Variants in MAP3K15 observed in about 807,000 individuals in gnomAD.
MAP3K15 encodes MAPK/ERK kinase kinase 15.
MAP3K15 carries 124 observed loss-of-function variants against 99.5 expected under a neutral mutation model. The ratio of observed to expected loss-of-function variants is 1.25; its 90% CI spans 1.08 to 1.45. The LOEUF is 1.45. Among genes scored for constraint, MAP3K15 ranks in the 40% most tolerant of loss-of-function variants. The probability of loss-of-function intolerance (pLI) is 0.00; values close to 1 mark genes in which losing one functional copy is unlikely to be tolerated. For missense variants in MAP3K15, 1,242 were observed against 1,079.7 expected (o/e 1.15, Z -2.11); for synonymous variants, 494 against 439.6 (o/e 1.12, Z -1.55).
chrX:19,481,102 C>T (rs1236881439), intron 3 of MAP3K15, among the ~76,000 whole-genome samples: 1 of 66,605 alleles, frequency 1.5e-5, no homozygotes, highest in African/African-American at 7.8e-5. Flanking sequence ...GGTGACAGAG[C>T]GAGAACTTGT....
chrX:19,398,148 T>A, intron 15 of MAP3K15, 78 bp downstream of exon 15: 5 of 1,103,480 alleles, frequency 4.5e-6, no homozygotes, highest in Non-Finnish European at 4.9e-6. Flanking sequence ...CCTTAACTCC[T>A]CCACACCATG....
chrX:19,452,773 T>C (rs1268956948), intron 6 of MAP3K15, among the ~76,000 whole-genome samples: 1 of 112,391 alleles, frequency 8.9e-6, no homozygotes, highest in Non-Finnish European at 1.9e-5. Context: ...GCGGCCCATA[T>C]GGTCCATGAT....
At chrX:19,423,799 A>G (rs748137123) in intron 9 of MAP3K15, among the ~76,000 whole-genome samples, 5 of 111,648 alleles carry the variant, frequency 4.5e-5, no homozygotes, top group African/African-American at 1.6e-4. Flanking sequence ...TGCTAACGAT[A>G]TGATTCATCT....
chrX:19,499,000 CCA>C (rs763839448), intron 1 of MAP3K15, among the ~76,000 whole-genome samples: 4 of 111,828 alleles, frequency 3.6e-5, no homozygotes, highest in Non-Finnish European at 5.6e-5. Flanking sequence ...GAGAAGCTAG[CCA>C]CAGTCTGGGA....
intron 3 of MAP3K15, among the ~76,000 whole-genome samples, chrX:19,479,040 T>C (rs1290729757): frequency 9.0e-6 from 1 of 111,671 alleles, no homozygotes; most frequent in Admixed American, 9.5e-5. Context: ...ATTATAGCAG[T>C]ACCTCTAAGC....
intron 9 of MAP3K15, among the ~76,000 whole-genome samples, chrX:19,419,410 T>G (rs1177292010): frequency 4.6e-5 from 5 of 108,821 alleles, no homozygotes; most frequent in Non-Finnish European, 7.7e-5. Flanking sequence ...TAAAACAGAC[T>G]TTAAACCAAC....
At chrX:19,475,523 G>A (rs774878469) in intron 3 of MAP3K15, among the ~76,000 whole-genome samples, 18 of 111,050 alleles carry the variant, frequency 1.6e-4, no homozygotes, top group African/African-American at 5.2e-4. Context: ...ACCCCCAATC[G>A]TGACTCTTAG....
intron 1 of MAP3K15, among the ~76,000 whole-genome samples, chrX:19,508,315 G>T (rs2064493624): frequency 1.8e-5 from 2 of 110,692 alleles, no homozygotes; most frequent in Admixed American, 1.9e-4. Flanking sequence ...GAGACTACAG[G>T]TACACGCCAC....
intron 14 of MAP3K15, 53 bp downstream of exon 14, chrX:19,400,523 A>G: frequency 4.4e-6 from 4 of 900,797 alleles, no homozygotes; most frequent in Non-Finnish European, 6.3e-6. Context: ...ATTTTCTTGA[A>G]GCATCGAACA....
intron 8 of MAP3K15, among the ~76,000 whole-genome samples, chrX:19,425,980 G>A (rs1304729155): frequency 9.0e-6 from 1 of 110,726 alleles, no homozygotes; most frequent in African/African-American, 3.3e-5. Context: ...AAATTAGCTG[G>A]GCGTGGTGGT....
chrX:19,401,182 C>T (rs2063605571), intron 13 of MAP3K15, among the ~76,000 whole-genome samples: 1 of 110,346 alleles, frequency 9.1e-6, no homozygotes, highest in Non-Finnish European at 1.9e-5. Flanking sequence ...CAGATGACGT[C>T]CCTGTGTTAC....
chrX:19,369,361 C>CA, intron 24 of MAP3K15, 142 bp from the exon 25 acceptor site: 1 of 611,242 alleles, frequency 1.6e-6, no homozygotes, highest in Admixed American at 3.0e-5. Flanking sequence ...GCTGACTTTA[C>CA]AAATGGAGAA....
intron 3 of MAP3K15, among the ~76,000 whole-genome samples, chrX:19,467,495 G>A (rs1195509649): frequency 9.0e-6 from 1 of 111,138 alleles, no homozygotes; most frequent in African/African-American, 3.3e-5. Flanking sequence ...GAGACTGGGC[G>A]CAGTGGCTCA....
chrX:19,403,459 T>C (rs1476482033), intron 13 of MAP3K15, among the ~76,000 whole-genome samples: 2 of 100,642 alleles, frequency 2.0e-5, no homozygotes, highest in African/African-American at 8.4e-5. Flanking sequence ...TTTATTCTAT[T>C]CTTTTTTTTT....
chrX:19,371,472 C>G lies in MAP3K15; in HGVS notation c.3167G>C (p.Arg1056Thr), dbSNP rs1227996052. 1 of 1,208,672 alleles carries G rather than the reference C, an allele frequency of 8.3e-7. No homozygotes were observed. Among genetic ancestry groups the G allele is most frequent in the Non-Finnish European group, 1.1e-6 (1 of 894,230 alleles). ...GTGCTCTGGGGAGCGGATGAAGTCC[C>G]TCAGGATCCCAATGATTTGCTTGAT... ...GHIKQIIGIL[R>T]DFIRSPEHRV... is the part of the protein sequence containing the mutation. The change falls in exon 23 of 29, where the codon AGG becomes ACG. Residue 1056 changes from arginine (R) to threonine (T), a missense_variant. By Grantham distance (71) the Arg-to-Thr change is moderately conservative (BLOSUM62 -1). Coordinates refer to ENST00000338883, the MANE Select transcript of MAP3K15 (RefSeq NM_001001671.4).
Position 19,490,212 on chromosome X carries a change from A to G in MAP3K15, c.362-1245T>C, listed in dbSNP as rs186389426. On this transcript the variant is annotated intron_variant, in intron 1 of 28. Transcript: ENST00000338883. ...ACATACAAAAATTCCTTAACAGTAT[A>G]TTGCTCAGTTTTGCATGTCTTTGAA... 7.1e-4 allele frequency among the ~76,000 whole-genome samples: 78 copies of G among 109,215 alleles called. 1 individual carries two copies. The highest frequency in any genetic ancestry group is 8.7e-4 in the Non-Finnish European group (46 of 52,658). 94.8% of individuals were successfully genotyped at this position (109,215 alleles called of 115,157 possible).
chrX:19,380,416 C>A, intron 18 of MAP3K15, 139 bp from the exon 19 acceptor site: 1 of 582,759 alleles, frequency 1.7e-6, no homozygotes, highest in Non-Finnish European at 2.6e-6. Context: ...GACAATGTAA[C>A]AAGACCTTGT....
chrX:19,478,608 G>C (rs773534689), intron 3 of MAP3K15, among the ~76,000 whole-genome samples: 2 of 109,926 alleles, frequency 1.8e-5, no homozygotes, highest in African/African-American at 6.6e-5. Context: ...GTTTTTCAAA[G>C]AATTTCTAAT....
At chrX:19,493,515 A>G (rs1223554262) in intron 1 of MAP3K15, among the ~76,000 whole-genome samples, 1 of 111,713 alleles carries the variant, frequency 9.0e-6, no homozygotes, top group African/African-American at 3.3e-5. Flanking sequence ...CAGAATTCCT[A>G]AAACACGAAT....
Sources: allele counts gnomAD v4.1 joint callset (sites outside exome capture counted in the v4.1 genomes callset), GRCh38; gene constraint gnomAD v4.1.1; transcripts MANE v1.5; gene names NCBI Gene and HGNC (gene_info 2026-07-23, HGNC 2026-07-21).